Variants in GTPBP4 observed in about 807,000 individuals in gnomAD.
GTPBP4 encodes the protein GTP binding protein 4.
In GTPBP4, 15 loss-of-function variants were observed where a neutral mutation model predicts 81.7. The ratio of observed to expected loss-of-function variants is 0.18; its 90% CI spans 0.12 to 0.28. The LOEUF (loss-of-function observed/expected upper bound fraction) is 0.28, where lower values mean the gene tolerates loss of function less well. Among genes scored for constraint, GTPBP4 ranks in the 10% least tolerant of loss-of-function variants. The pLI, the probability that GTPBP4 is intolerant of heterozygous loss-of-function variation, is 1.00. For synonymous variants in GTPBP4, 272 were observed against 274.6 expected (o/e 0.99, Z 0.09); for missense variants, 847 against 793.8 (o/e 1.07, Z -0.81).
At position 1,001,104 on chromosome 10, in the gene GTPBP4, A is replaced by G. The variant is rs1464609387; in HGVS notation, c.912+91A>G. 1.8e-5 allele frequency: 14 copies of G among 795,398 alleles called. No individual in the cohort carries two copies. In the Admixed American group the frequency reaches 2.7e-4, roughly 16 times the overall value. The allele number at this position is 795,398 out of a possible 1,614,324, so 49.3% of individuals were successfully genotyped here. A position where few individuals can be genotyped will look rare whatever the true frequency, so the allele number is the denominator to read the frequency against. ...AAAGTTTAGATGAAGGAATTTTAGC[A>G]ATACTAGTCCACAATTGTATTTTAT... On this transcript the variant is annotated intron_variant, in intron 8 of 16. Coordinates refer to ENST00000360803, the MANE Select transcript of GTPBP4 (RefSeq NM_012341.3).
chr10:1,019,222 A>G lies in GTPBP4; in HGVS notation c.*1995A>G. ...GCTTCAGGACTCTCAAGATCTCCCC[A>G]AGACTTTCAGGATCAGCTGCTGTTA... is the stretch of plus-strand genomic sequence containing the variant. On this transcript the variant is annotated 3_prime_UTR_variant, in exon 17 of 17. Coordinates refer to ENST00000360803, the MANE Select transcript of GTPBP4 (RefSeq NM_012341.3). 3.2e-6 allele frequency: 1 copy of G among 316,242 alleles called. No individual in the cohort carries two copies. Among genetic ancestry groups the G allele is most frequent in the East Asian group, 7.5e-5 (1 of 13,332 alleles). 19.6% of individuals were successfully genotyped at this position (316,242 alleles called of 1,614,324 possible).
intron 8 of GTPBP4, among the ~76,000 whole-genome samples, chr10:1,003,646 G>A (rs188252768): frequency 2.0e-5 from 3 of 152,296 alleles, no homozygotes; most frequent in Admixed American, 2.0e-4. Flanking sequence ...TTTCTGTGCA[G>A]CTTCCTCACC....
chr10:1,004,463 C>T (rs1831690253), intron 8 of GTPBP4, among the ~76,000 whole-genome samples: 1 of 152,124 alleles, frequency 6.6e-6, no homozygotes, highest in African/African-American at 2.4e-5. Flanking sequence ...ACAATGTCAG[C>T]TCCTCCCCAT....
chr10:992,049 A>G (rs1448506311), intron 1 of GTPBP4, among the ~76,000 whole-genome samples: 2 of 151,222 alleles, frequency 1.3e-5, no homozygotes, highest in Admixed American at 6.6e-5. Context: ...TGTACATGAA[A>G]CGTTTAGTAA....
chr10:1,014,155 G>A (rs1421905422), intron 14 of GTPBP4, 92 bp from the exon 15 acceptor site: 2 of 731,662 alleles, frequency 2.7e-6, no homozygotes, highest in Non-Finnish European at 2.4e-6. Flanking sequence ...TATAATTGTT[G>A]CAAAATATGT....
rs776941368 is a variant in GTPBP4 at position 996,007 on chromosome 10, A to G, written c.298A>G (p.Asn100Asp). 6.8e-6 allele frequency: 11 copies of G among 1,608,288 alleles called. No homozygotes were observed. The highest frequency in any genetic ancestry group is 5.1e-6 in the Non-Finnish European group (6 of 1,174,670). The change falls in exon 3 of 17, where the codon AAT (asparagine) becomes GAT (aspartate). Residue 100 changes from asparagine to aspartate, a missense_variant. Physicochemically the swap from Asn to Asp is conservative, Grantham distance 23. This residue lies in a region of GTPBP4 where 241 missense variants were observed against 216.3 expected (regional missense o/e 1.11). Transcript: ENST00000360803. ...DHYKLALGQINIAKNLVDNVA... is the reference protein window; with the variant it reads ...DHYKLALGQIDIAKNLVDNVA... ...TTACAAGTTGGCTCTGGGGCAAATA[A>G]ATATTGCCAAAAATTTAGTGGACAA...
In GTPBP4 at chr10:1,015,124, GTTTC is replaced by G. The variant is rs201976779; in HGVS notation, c.1609-625_1609-622del. 9.1e-3 allele frequency among the ~76,000 whole-genome samples: 1,383 copies of G among 152,300 alleles called. 21 individuals carry two copies. Among genetic ancestry groups the G allele is most frequent in the African/African-American group, 0.031 (1,298 of 41,562 alleles). The stretch of plus-strand genomic sequence containing the variant: ...AATCACTTTTAAATGAGAGTTCTAA[GTTTC>G]TTTAAGTGGAGTTAAAATCAGCTTT... On this transcript the variant is annotated intron_variant, in intron 15 of 16. Transcript: ENST00000360803.
rs1301139224 is a variant in GTPBP4 at position 1,018,844 on chromosome 10, T to A, written c.*1617T>A. 6.6e-6 allele frequency: 1 copy of A among 152,034 alleles called. No individual in the cohort carries two copies. The highest frequency in any genetic ancestry group is 6.6e-5 in the Admixed American group (1 of 15,258). 9.4% of individuals were successfully genotyped at this position (152,034 alleles called of 1,614,324 possible). On this transcript the variant is annotated 3_prime_UTR_variant, in exon 17 of 17. Transcript: ENST00000360803. Reference sequence around the variant, plus strand: ...AAATACCAGGTCTGGTTTTTGAAATTCTTTCTCCGTATTAAACACCAAAAC... The same window carrying A: ...AAATACCAGGTCTGGTTTTTGAAATACTTTCTCCGTATTAAACACCAAAAC...
chr10:1,015,939 G>T (rs749945766), intron 16 of GTPBP4, 43 bp downstream of exon 16: 22 of 1,537,074 alleles, frequency 1.4e-5, no homozygotes, highest in Non-Finnish European at 1.9e-5. Flanking sequence ...GACAGTCTCT[G>T]TTGTTTATTG....
chr10:999,119 A>C, intron 6 of GTPBP4, 24 bp downstream of exon 6: 1 of 1,278,368 alleles, frequency 7.8e-7, no homozygotes, highest in Non-Finnish European at 1.1e-6. Flanking sequence ...CTTTATTTTT[A>C]TTCATTTATT....
rs1303966876 is a variant in GTPBP4 at position 1,012,497 on chromosome 10, G to A, written c.1377G>A (p.Leu459=). ...AAGAATTAGAAAAAGAAGAAGAGCT[G>A]AGAACAGCTGCTGGAGAGTATGACA... ...KLEELEKEEE[L]RTAAGEYDSV... is the part of the protein sequence containing the mutation. Residue 459 remains leucine (L), a synonymous_variant, in exon 14 of 17, where the codon CTG becomes CTA. Transcript: ENST00000360803. The A allele has an allele frequency of 6.2e-7, 1 of 1,609,850 alleles. No individual in the cohort carries two copies. Among genetic ancestry groups the A allele is most frequent in the Non-Finnish European group, 8.5e-7 (1 of 1,177,912 alleles).
At chr10:990,814 TG>T (rs1389495807) in intron 1 of GTPBP4, among the ~76,000 whole-genome samples, 54 of 146,794 alleles carry the variant, frequency 3.7e-4, no homozygotes, top group Non-Finnish European at 2.1e-4. Context: ...AGGACACACA[TG>T]GATTGGGAGA....
chr10:994,198 G>A (rs7070724), intron 2 of GTPBP4, among the ~76,000 whole-genome samples: 117,082 of 152,150 alleles, frequency 0.77, 45,417 homozygotes, highest in East Asian at 0.9. Context: ...TGGTTTCTTG[G>A]GAAAGGTCAG....
Position 1,017,491 on chromosome 10 carries a change from A to C in GTPBP4, c.*264A>C. ...GCTTCAGATTTTCAGAACTGGGAAG[A>C]TTTACTGGTTTAACTAGGTTGTTTT... is the stretch of plus-strand genomic sequence containing the variant. On this transcript the variant is annotated 3_prime_UTR_variant, in exon 17 of 17. Coordinates refer to ENST00000360803, the MANE Select transcript of GTPBP4 (RefSeq NM_012341.3). The C allele has an allele frequency of 2.9e-6, 1 of 345,142 alleles. No homozygotes were observed. The highest frequency in any genetic ancestry group is 4.5e-5 in the East Asian group (1 of 22,124). 21.4% of individuals were successfully genotyped at this position (345,142 alleles called of 1,614,324 possible).
chr10:1,015,108 T>G (rs1218452777), intron 15 of GTPBP4, among the ~76,000 whole-genome samples: 1 of 152,184 alleles, frequency 6.6e-6, no homozygotes, highest in African/African-American at 2.4e-5. Context: ...TAATCACTTT[T>G]AAATGAGAGT....
intron 14 of GTPBP4, 32 bp downstream of exon 14, chr10:1,012,694 C>G (rs1414900038): frequency 6.5e-7 from 1 of 1,530,098 alleles, no homozygotes; most frequent in Non-Finnish European, 9.0e-7. Context: ...GCAGTGTGAT[C>G]TAGTTTTTGA....
intron 6 of GTPBP4, among the ~76,000 whole-genome samples, 190 bp downstream of exon 6, chr10:999,285 A>G (rs1314709167): frequency 6.6e-6 from 1 of 151,964 alleles, no homozygotes; most frequent in African/African-American, 2.4e-5. Flanking sequence ...CGACCGGCCA[A>G]TTTTTGTGTT....
chr10:1,019,526 G>A lies in GTPBP4; in HGVS notation c.*2299G>A, dbSNP rs1832050924. 7 of 1,612,312 alleles carry A rather than the reference G, an allele frequency of 4.3e-6. No homozygotes were observed. The highest frequency in any genetic ancestry group is 2.7e-5 in the African/African-American group (2 of 74,828). ...TCGACCTCCCTGCCTCTCACACTCT[G>A]TGTATTTTGTGAAGCTCCACAAACG... On this transcript the variant is annotated 3_prime_UTR_variant, in exon 17 of 17. Transcript: ENST00000360803.
Position 992,794 on chromosome 10 carries a change from C to T in GTPBP4, c.219+135C>T, listed in dbSNP as rs1831468071. 6.8e-6 allele frequency: 4 copies of T among 585,876 alleles called. No individual in the cohort carries two copies. In the South Asian group the frequency reaches 9.0e-5, roughly 13 times the overall value. 36.3% of individuals were successfully genotyped at this position (585,876 alleles called of 1,614,324 possible). A position where few individuals can be genotyped will look rare whatever the true frequency, so the allele number is the denominator to read the frequency against. On this transcript the variant is annotated intron_variant, in intron 2 of 16. Transcript: ENST00000360803. ...CTTAGGTTACTCAGTAAGTTAGTGG[C>T]AAAGAACTAATTTGTTGAATTTATA...
Sources: gnomAD v4.1 joint callset for allele counts (sites outside exome capture counted in the v4.1 genomes callset) on GRCh38, gnomAD v4.1.1 for gene constraint, gnomAD v4.1.1 regional missense constraint, MANE v1.5 for transcripts, NCBI Gene and HGNC (gene_info 2026-07-23, HGNC 2026-07-21) for gene names.